The following GAK variants were observed in gnomAD, a reference collection of about 807,000 sequenced individuals.
GAK encodes cyclin-G-associated kinase.
GAK carries 79 observed loss-of-function variants against 143.9 expected under a neutral mutation model. The ratio of observed to expected loss-of-function variants is 0.55; its 90% CI spans 0.46 to 0.66. The LOEUF (loss-of-function observed/expected upper bound fraction) is 0.66, where lower values mean the gene tolerates loss of function less well. GAK is among the 30% of genes least tolerant of loss of function. The pLI is 0.00. For missense variants in GAK, 1,693 were observed against 1,779.7 expected (o/e 0.95, Z 0.88); for synonymous variants, 881 against 765.5 (o/e 1.15, Z -2.49).
chr4:932,030 C>T lies in GAK; in HGVS notation c.145+13G>A, dbSNP rs1298944539. On this transcript the variant is annotated intron_variant, in intron 1 of 27. Transcript: ENST00000314167. This position sits in a 1 kb window ranked among gnomAD's most constrained non-coding sequence, Gnocchi z 4.0. The stretch of plus-strand genomic sequence containing the variant: ...TCCGCGGCCGCACCCGCGCTGCCGA[C>T]CCGGGGCCTCACCTTCGGCCAGGAC... 5.8e-6 allele frequency: 9 copies of T among 1,563,476 alleles called. No individual in the cohort carries two copies. Among genetic ancestry groups the T allele is most frequent in the Non-Finnish European group, 7.0e-6 (8 of 1,149,298 alleles).
intron 4 of GAK, among the ~76,000 whole-genome samples, chr4:910,955 C>G (rs1318886302): frequency 1.3e-5 from 2 of 152,174 alleles, no homozygotes; most frequent in South Asian, 2.1e-4. Flanking sequence ...TGAGGCTCAG[C>G]AGGGTCAGGC....
chr4:857,955 C>G (rs1266461240), intron 24 of GAK, among the ~76,000 whole-genome samples: 1 of 152,196 alleles, frequency 6.6e-6, no homozygotes, highest in East Asian at 1.9e-4. Context: ...TGCATCTTCA[C>G]TCAGCTCCAC....
chr4:883,928 A>C, intron 12 of GAK, 109 bp downstream of exon 12: 1 of 1,110,160 alleles, frequency 9.0e-7, no homozygotes, highest in South Asian at 1.4e-5. Flanking sequence ...GTCTGTGGCC[A>C]CAGAGAAGGC....
chr4:904,571 C>T (rs968368981), intron 5 of GAK, 66 bp downstream of exon 5: 5 of 1,486,132 alleles, frequency 3.4e-6, no homozygotes, highest in East Asian at 2.4e-5. Context: ...GGATGATGGG[C>T]GGCTCCTAAC....
chr4:929,430 T>A (rs1725333321), intron 1 of GAK, among the ~76,000 whole-genome samples: 1 of 152,194 alleles, frequency 6.6e-6, no homozygotes, highest in Non-Finnish European at 1.5e-5. Flanking sequence ...TGGATTTCCC[T>A]GCAGTCAGGG....
intron 25 of GAK, 68 bp from the exon 26 acceptor site, chr4:851,152 C>A: frequency 1.4e-6 from 2 of 1,385,954 alleles, no homozygotes; most frequent in Non-Finnish European, 1.0e-6. Context: ...GGCCAGAGTG[C>A]AATGGCGTGA....
chr4:903,432 G>C (rs893127083), intron 5 of GAK, among the ~76,000 whole-genome samples: 1 of 152,184 alleles, frequency 6.6e-6, no homozygotes, highest in South Asian at 2.1e-4. Context: ...CGACCCCAGC[G>C]CCTGAGACAG....
chr4:930,473 A>G (rs1293568542), intron 1 of GAK, among the ~76,000 whole-genome samples: 4 of 150,232 alleles, frequency 2.7e-5, no homozygotes, highest in Non-Finnish European at 5.9e-5. Context: ...GTGAGGGTGC[A>G]TTCTCCATCC....
chr4:851,285 A>C (rs978875409), intron 25 of GAK: 1 of 486,756 alleles, frequency 2.1e-6, no homozygotes, highest in African/African-American at 1.9e-5. Context: ...TTTTGTAGAG[A>C]GGAGGTATCA....
At chr4:917,993 T>C (rs549236389) in intron 1 of GAK, among the ~76,000 whole-genome samples, 2 of 152,340 alleles carry the variant, frequency 1.3e-5, no homozygotes, top group East Asian at 3.9e-4. Flanking sequence ...TCCCAGCTCA[T>C]TGCTTGAAGT....
chr4:927,941 G>A (rs1012272395), intron 1 of GAK, among the ~76,000 whole-genome samples: 1 of 152,224 alleles, frequency 6.6e-6, no homozygotes, highest in Non-Finnish European at 1.5e-5. Flanking sequence ...TGCAGAGGCT[G>A]GTGCCCTCAG....
rs572078390 is a variant in GAK, at chr4:878,128, C to A, written c.1662-319G>T. 9.1e-3 allele frequency among the ~76,000 whole-genome samples: 1,381 copies of A among 151,526 alleles called. 15 individuals carry two copies. Among genetic ancestry groups the A allele is most frequent in the African/African-American group, 0.032 (1,313 of 41,460 alleles). ...TTTTGAGGCCAGGCGCGGTGGCTCA[C>A]GCCTGTAATCCTAGCACTTTGGGAG... On this transcript the variant is annotated intron_variant, in intron 15 of 27. Transcript: ENST00000314167.
chr4:871,028 A>T, intron 18 of GAK, 124 bp from the exon 19 acceptor site: 1 of 839,518 alleles, frequency 1.2e-6, no homozygotes, highest in Non-Finnish European at 1.8e-6. Flanking sequence ...GAGAACAACC[A>T]GGGCAGCCGG....
At chr4:859,925 G>C (rs1309686138) in intron 23 of GAK, among the ~76,000 whole-genome samples, 1 of 152,090 alleles carries the variant, frequency 6.6e-6, no homozygotes, top group Non-Finnish European at 1.5e-5. Flanking sequence ...CTGCTCCTCA[G>C]GGAAAACAGC....
chr4:920,797 C>T (rs2152963600), intron 1 of GAK, among the ~76,000 whole-genome samples: 1 of 152,220 alleles, frequency 6.6e-6, no homozygotes, highest in African/African-American at 2.4e-5. Context: ...CTGCCTCGGC[C>T]TCCCAAAGTG....
At chr4:896,666 C>T (rs962612684) in intron 6 of GAK, 117 bp from the exon 7 acceptor site, 92 of 780,802 alleles carry the variant, frequency 1.2e-4, no homozygotes, top group Non-Finnish European at 1.8e-4. Context: ...CAGCCTGTCC[C>T]GCACACTATG....
intron 4 of GAK, among the ~76,000 whole-genome samples, chr4:907,689 C>T (rs534754304): frequency 6.6e-6 from 1 of 152,336 alleles, no homozygotes; most frequent in African/African-American, 2.4e-5. Context: ...ATCCCCGGAG[C>T]CCGACCTCCA....
In GAK at chr4:870,918, T is replaced by G. The variant is rs370866088; in HGVS notation, c.2055-14A>C. ...TCCAGGTCATACCTGCGGTTACAAG[T>G]AGACACCACTTAGGAAGGCCACCCA... is the stretch of plus-strand genomic sequence containing the variant. On this transcript the variant is annotated splice_polypyrimidine_tract_variant and intron_variant, in intron 18 of 27. Coordinates refer to ENST00000314167, the MANE Select transcript of GAK (RefSeq NM_005255.4). The G allele has an allele frequency of 3.6e-5, 57 of 1,598,796 alleles. No individual in the cohort carries two copies. The highest frequency in any genetic ancestry group is 4.5e-5 in the Non-Finnish European group (53 of 1,171,614).
chr4:885,454 G>T (rs183067615), intron 11 of GAK, among the ~76,000 whole-genome samples: 1 of 152,312 alleles, frequency 6.6e-6, no homozygotes, highest in South Asian at 2.1e-4. Flanking sequence ...AAGCTGACAC[G>T]CCTTAAGCAA....
Sources: gnomAD v4.1 joint callset for allele counts (sites outside exome capture counted in the v4.1 genomes callset) on GRCh38, gnomAD v4.1.1 for gene constraint, Gnocchi (gnomAD v3.1) non-coding constraint, MANE v1.5 for transcripts, NCBI Gene and HGNC (gene_info 2026-07-23, HGNC 2026-07-21) for gene names.